Variants in TMPRSS6 observed in about 807,000 individuals in gnomAD.
The protein encoded by TMPRSS6 is transmembrane protease serine 6.
Under a neutral mutation model 101.5 loss-of-function variants are expected in TMPRSS6, and 67 were observed. The ratio of observed to expected loss-of-function variants is 0.66; its 90% CI spans 0.54 to 0.81. The LOEUF (loss-of-function observed/expected upper bound fraction) is 0.81. Ranked by LOEUF, TMPRSS6 falls within the 30% of genes least tolerant of loss-of-function variation. The probability of loss-of-function intolerance (pLI) is 0.00; values close to 1 mark genes in which losing one functional copy is unlikely to be tolerated. For missense variants in TMPRSS6, 1,034 were observed against 1,088.7 expected, an observed-to-expected ratio of 0.95 and a Z score of 0.71; for synonymous variants, 453 against 464.9, an observed-to-expected ratio of 0.97 and a Z score of 0.33.
At chr22:37,081,035 G>A (rs868097147) in intron 10 of TMPRSS6, among the ~76,000 whole-genome samples, 1 of 152,252 alleles carries the variant, frequency 6.6e-6, no homozygotes, top group Non-Finnish European at 1.5e-5. Flanking sequence ...GGCTCAAAGA[G>A]CTGGGTGACT....
chr22:37,086,774 C>T (rs561798360), intron 7 of TMPRSS6, among the ~76,000 whole-genome samples: 1 of 152,222 alleles, frequency 6.6e-6, no homozygotes, highest in South Asian at 2.1e-4. Context: ...CCTAGCGTCC[C>T]TGGCAGGAAG....
chr22:37,093,896 A>C (rs1208571472), intron 6 of TMPRSS6, among the ~76,000 whole-genome samples: 4 of 151,856 alleles, frequency 2.6e-5, no homozygotes, highest in African/African-American at 9.7e-5. Context: ...GGTGGCAGGC[A>C]CCTGTAGTCC....
intron 10 of TMPRSS6, among the ~76,000 whole-genome samples, chr22:37,082,296 C>G (rs1046018392): frequency 6.6e-6 from 1 of 152,206 alleles, no homozygotes; most frequent in Non-Finnish European, 1.5e-5. Context: ...GCCACCGAAC[C>G]CCCCACAACC....
In TMPRSS6 at chr22:37,096,192, T is replaced by C. The variant is rs955201774; in HGVS notation, c.405-102A>G. On this transcript the variant is annotated intron_variant, in intron 4 of 17. Transcript: ENST00000676104. The stretch of plus-strand genomic sequence containing the variant: ...TCGAGCACTTTCCGCACCTCAGCCA[T>C]TGCTGTCCGTCTTCACGCAGAAGCC... 141 of 1,323,524 alleles carry C rather than the reference T, an allele frequency of 1.1e-4. 3 individuals are homozygous for C. In the South Asian group the frequency reaches 1.1e-3, roughly 11 times the overall value. 82.0% of individuals were successfully genotyped at this position (1,323,524 alleles called of 1,614,324 possible). A position where few individuals can be genotyped will look rare whatever the true frequency, so the allele number is the denominator to read the frequency against.
intron 10 of TMPRSS6, among the ~76,000 whole-genome samples, chr22:37,078,963 GAAAGAAAGAAAAAGAAAGAA>G (rs1569005941): frequency 0.02 from 1,840 of 92,508 alleles, 45 homozygotes; most frequent in African/African-American, 0.065. Flanking sequence ...AAAAGAGAAA[GAAAGAAAGAAAAAGAAAGAA>G]AGAAAGAAAG....
rs1198662086 is a variant in TMPRSS6 at position 37,074,708 on chromosome 22, G to A, written c.1343C>T (p.Pro448Leu). The change falls in exon 12 of 18, where the codon CCC (proline) becomes CTC (leucine). Residue 448 changes from proline (P) to leucine (L), a missense_variant and splice_region_variant. Physicochemically the swap from Pro to Leu is moderately conservative, Grantham distance 98 (BLOSUM62 -3). Transcript: ENST00000676104. ...AGAACAGAGGAACTCTCCAGGGCAG[G>A]CTGCAAAACCACAGGGGACCGTGGA... Reference protein sequence around the residue: ...VHYGLYNQSDPCPGEFLCSVN... With the variant: ...VHYGLYNQSDLCPGEFLCSVN... The A allele has an allele frequency of 6.2e-7, 1 of 1,614,108 alleles. No individual in the cohort carries two copies. Among genetic ancestry groups the A allele is most frequent in the Admixed American group, 1.7e-5 (1 of 60,018 alleles).
At chr22:37,076,154 G>A (rs1179516261) in intron 10 of TMPRSS6, among the ~76,000 whole-genome samples, 1 of 152,212 alleles carries the variant, frequency 6.6e-6, no homozygotes, top group African/African-American at 2.4e-5. Context: ...TGTGTCAGTT[G>A]AGGCAAAAGC....
chr22:37,073,328 C>T (rs932248018), intron 13 of TMPRSS6, among the ~76,000 whole-genome samples: 8 of 137,528 alleles, frequency 5.8e-5, no homozygotes, highest in African/African-American at 1.4e-4. Flanking sequence ...AATGGACAGA[C>T]GGTGATTGGA....
intron 16 of TMPRSS6, 80 bp downstream of exon 16, chr22:37,068,993 C>T: frequency 2.6e-6 from 4 of 1,512,056 alleles, no homozygotes; most frequent in Non-Finnish European, 3.5e-6. Flanking sequence ...CCCCCAGCCC[C>T]GCCCTTCTCC....
chr22:37,083,863 A>T, intron 10 of TMPRSS6: 1 of 396,240 alleles, frequency 2.5e-6, no homozygotes. Flanking sequence ...GCTGTGCAGC[A>T]GGGGTTCGTG....
intron 10 of TMPRSS6, among the ~76,000 whole-genome samples, chr22:37,079,121 C>T (rs540735142): frequency 3.3e-5 from 5 of 152,324 alleles, no homozygotes; most frequent in African/African-American, 1.2e-4. Context: ...TCTGAGTTTT[C>T]TGTTTCTGCT....
At position 37,073,537 on chromosome 22, in the gene TMPRSS6, TG is replaced by T; in HGVS notation, c.1549del (p.Gln517ArgfsTer19). On this transcript the variant is annotated frameshift_variant, in exon 13 of 18. Transcript: ENST00000676104. LOFTEE classifies it high-confidence loss of function. Reference protein sequence around the residue: ...CLNGSDEEQCQEGVPCGTFTF... With the variant: ...CLNGSDEEQCXEGVPCGTFTF... ...CTCGGCTAGGCCTGCCCTACCTTCC[TG>T]GCACTGCTCTTCGTCGCTGCCGTTG... is the stretch of plus-strand genomic sequence containing the variant. The T allele has an allele frequency of 6.2e-7, 1 of 1,611,770 alleles. No homozygotes were observed. The highest frequency in any genetic ancestry group is 8.5e-7 in the Non-Finnish European group (1 of 1,177,856).
At chr22:37,104,592 C>T (rs1036778505) in intron 1 of TMPRSS6, among the ~76,000 whole-genome samples, 7 of 152,190 alleles carry the variant, frequency 4.6e-5, no homozygotes, top group East Asian at 3.8e-4. Context: ...ACCCACCCAC[C>T]GGGAGAGCAA....
At position 37,093,564 on chromosome 22, in the gene TMPRSS6, G is replaced by A. The variant is rs539759322; in HGVS notation, c.631+1987C>T. ...ACTACAGGTGCGCACCACCATGCCC[G>A]GCTAATTTTTATATTTTTAGAAGAG... On this transcript the variant is annotated intron_variant, in intron 6 of 17. Coordinates refer to ENST00000676104, the MANE Select transcript of TMPRSS6 (RefSeq NM_001374504.1). 4.0e-5 allele frequency among the ~76,000 whole-genome samples: 6 copies of A among 149,566 alleles called. No individual in the cohort carries two copies. In the East Asian group the frequency reaches 1.2e-3, roughly 30 times the overall value.
In TMPRSS6 at chr22:37,070,538, GC is replaced by G. The variant is rs767094129; in HGVS notation, c.1786del (p.Ala596ProfsTer8). 7.4e-6 allele frequency: 12 copies of G among 1,613,250 alleles called. No individual in the cohort carries two copies. The highest frequency in any genetic ancestry group is 2.2e-5 in the East Asian group (1 of 44,878). ...TATCACCCAGCGGTCAGCGATGAGG[GC>G]CCCCCCACAGATGTGTCGACCCCGA... ...QVRGRHICGG[A>X]LIADRWVITA... is the part of the protein sequence containing the mutation. On this transcript the variant is annotated frameshift_variant, in exon 15 of 18. Transcript: ENST00000676104. LOFTEE classifies it high-confidence loss of function.
rs139655043 is a variant in TMPRSS6 at position 37,094,530 on chromosome 22, A to G, written c.631+1021T>C. ...GATAACTAGATAGACAAGCAGACAG[A>G]TATCAACAGAGATGATAGATAGATA... On this transcript the variant is annotated intron_variant, in intron 6 of 17. Coordinates refer to ENST00000676104, the MANE Select transcript of TMPRSS6 (RefSeq NM_001374504.1). Among the ~76,000 whole-genome samples, 156 of 113,788 alleles carry G rather than the reference A, an allele frequency of 1.4e-3. 1 individual carries two copies. The highest frequency in any genetic ancestry group is 6.0e-3 in the African/African-American group (145 of 24,288). The allele number at this position is 113,788 out of a possible 152,430, so 74.6% of individuals were successfully genotyped here.
intron 13 of TMPRSS6, 26 bp downstream of exon 13, chr22:37,073,506 C>T (rs770674810): frequency 6.5e-7 from 1 of 1,544,188 alleles, no homozygotes; most frequent in South Asian, 1.1e-5. Flanking sequence ...GGTGTCCCTC[C>T]AGACACTCGG....
chr22:37,104,690 G>A (rs1330817896), intron 1 of TMPRSS6, among the ~76,000 whole-genome samples: 2 of 152,214 alleles, frequency 1.3e-5, no homozygotes, highest in Non-Finnish European at 2.9e-5. Flanking sequence ...GCCGGGTGCC[G>A]TGGCTCACGC....
intron 10 of TMPRSS6, among the ~76,000 whole-genome samples, chr22:37,081,474 A>G (rs1928264152): frequency 6.6e-6 from 1 of 152,224 alleles, no homozygotes; most frequent in African/African-American, 2.4e-5. Flanking sequence ...CACAACTTGT[A>G]TGGGAGACAA....
Sources: allele counts gnomAD v4.1 joint callset (sites outside exome capture counted in the v4.1 genomes callset), GRCh38; gene constraint gnomAD v4.1.1; transcripts MANE v1.5; gene names NCBI Gene and HGNC (gene_info 2026-07-23, HGNC 2026-07-21).